The following CEP55 variants were observed in gnomAD, a reference collection of about 807,000 sequenced individuals.
CEP55 encodes the protein centrosomal protein of 55 kDa.
A neutral mutation model predicts 63.2 loss-of-function variants in CEP55; 57 were observed. That is an observed-to-expected ratio of 0.90 (90% CI 0.73 to 1.13). The LOEUF (loss-of-function observed/expected upper bound fraction) is 1.13. Among genes scored for constraint, CEP55 ranks in the 50% most tolerant of loss-of-function variants. The pLI is 0.00. For missense variants in CEP55, 456 were observed against 518.9 expected (o/e 0.88, Z 1.18); for synonymous variants, 178 against 191.6 (o/e 0.93, Z 0.59).
intron 1 of CEP55, among the ~76,000 whole-genome samples, chr10:93,499,479 C>T (rs1220157835): frequency 6.6e-6 from 1 of 150,422 alleles, no homozygotes; most frequent in Non-Finnish European, 1.5e-5. Flanking sequence ...TATAATTACA[C>T]ATATAGAACA....
At chr10:93,519,878 A>G in intron 8 of CEP55, 71 bp downstream of exon 8, 2 of 1,552,200 alleles carry the variant, frequency 1.3e-6, no homozygotes, top group East Asian at 4.5e-5. Context: ...TTCCGAACTT[A>G]GGAGGATACA....
chr10:93,527,086 A>T (rs1306271707), intron 8 of CEP55, among the ~76,000 whole-genome samples: 1 of 27,486 alleles, frequency 3.6e-5, no homozygotes, highest in African/African-American at 4.9e-5. Context: ...GTATAATTAA[A>T]AAAAAAAAAG....
chr10:93,517,853 A>G (rs2057820499), intron 6 of CEP55, among the ~76,000 whole-genome samples: 1 of 152,218 alleles, frequency 6.6e-6, no homozygotes, highest in African/African-American at 2.4e-5. Flanking sequence ...AAGGAACATT[A>G]TTTGGAATCC....
intron 8 of CEP55, among the ~76,000 whole-genome samples, chr10:93,521,703 G>C (rs1180913827): frequency 1.3e-5 from 2 of 152,010 alleles, no homozygotes; most frequent in Admixed American, 1.3e-4. Context: ...CCCAGTAGGG[G>C]CAGACTGACA....
At chr10:93,516,876 T>A (rs1455152544) in intron 5 of CEP55, 59 bp from the exon 6 acceptor site, 1 of 1,229,596 alleles carries the variant, frequency 8.1e-7, no homozygotes, top group Non-Finnish European at 1.1e-6. Flanking sequence ...GATGTTTCTC[T>A]TTTCAGGAAT....
At chr10:93,504,704 T>C (rs774300540) in intron 3 of CEP55, among the ~76,000 whole-genome samples, 11 of 152,222 alleles carry the variant, frequency 7.2e-5, no homozygotes, top group Non-Finnish European at 1.6e-4. Context: ...AACGTTACAG[T>C]CAGATTCAAA....
chr10:93,504,350 G>A (rs7910248), intron 3 of CEP55, among the ~76,000 whole-genome samples: 394 of 152,154 alleles, frequency 2.6e-3, no homozygotes, highest in African/African-American at 8.9e-3. Context: ...GCACGCATCT[G>A]TAATCCCAGC....
In CEP55 at chr10:93,515,404, G is replaced by A; in HGVS notation, c.529-1G>A. The A allele has an allele frequency of 6.3e-7, 1 of 1,582,662 alleles. No homozygotes were observed. Among genetic ancestry groups the A allele is most frequent in the Non-Finnish European group, 8.6e-7 (1 of 1,157,136 alleles). On this transcript the variant is annotated splice_acceptor_variant, in intron 4 of 8. Coordinates refer to ENST00000371485, the MANE Select transcript of CEP55 (RefSeq NM_018131.5). LOFTEE classifies it high-confidence loss of function. ...TGATTTTCTTTCATCTTCCCATTAA[G>A]GCTCTGGAGAAAAATCAGCAGTGGC...
At position 93,507,264 on chromosome 10, in the gene CEP55, T is replaced by C. The variant is rs960038596; in HGVS notation, c.528+208T>C. ...TTTCCTGAGGCAAAGTCTCGGTCTG[T>C]TGCCCAGGCTGGAGTGCAGTGGCAT... is the stretch of plus-strand genomic sequence containing the variant. On this transcript the variant is annotated intron_variant, in intron 4 of 8. Coordinates refer to ENST00000371485, the MANE Select transcript of CEP55 (RefSeq NM_018131.5). 2.7e-5 allele frequency among the ~76,000 whole-genome samples: 4 copies of C among 150,712 alleles called. No homozygotes were observed. In the Admixed American group the frequency reaches 2.7e-4, roughly 10 times the overall value.
At chr10:93,504,650 G>A (rs914955892) in intron 3 of CEP55, among the ~76,000 whole-genome samples, 1 of 152,010 alleles carries the variant, frequency 6.6e-6, no homozygotes, top group African/African-American at 2.4e-5. Context: ...AGTTCAAAAA[G>A]TTGAAGTTTT....
intron 7 of CEP55, among the ~76,000 whole-genome samples, chr10:93,519,272 C>T (rs2057833500): frequency 6.6e-6 from 1 of 152,076 alleles, no homozygotes. Flanking sequence ...GTAGGGCTAC[C>T]TTATAACTTC....
intron 2 of CEP55, among the ~76,000 whole-genome samples, chr10:93,501,678 T>C (rs879676983): frequency 6.6e-6 from 1 of 151,752 alleles, no homozygotes; most frequent in South Asian, 2.1e-4. Flanking sequence ...AAAAAAAAAA[T>C]AAATAAATAA....
At chr10:93,508,013 G>A (rs139409354) in intron 4 of CEP55, among the ~76,000 whole-genome samples, 5 of 152,306 alleles carry the variant, frequency 3.3e-5, no homozygotes, top group African/African-American at 1.2e-4. Context: ...CATGCAAGAT[G>A]CTCTCTTTGG....
At chr10:93,501,381 T>C (rs1416751459) in intron 2 of CEP55, among the ~76,000 whole-genome samples, 1 of 152,218 alleles carries the variant, frequency 6.6e-6, no homozygotes, top group Non-Finnish European at 1.5e-5. Flanking sequence ...GCTTTTATTG[T>C]TTGTATTTAG....
intron 1 of CEP55, among the ~76,000 whole-genome samples, chr10:93,497,202 G>C (rs1393710698): frequency 5.9e-5 from 9 of 152,166 alleles, no homozygotes; most frequent in African/African-American, 1.9e-4. Flanking sequence ...GGATGGAAGC[G>C]CTTGTTTGGT....
Position 93,515,431 on chromosome 10 carries a change from C to T in CEP55, c.555C>T (p.Leu185=). 5.0e-6 allele frequency: 8 copies of T among 1,608,972 alleles called. No homozygotes were observed. Among genetic ancestry groups the T allele is most frequent in the Middle Eastern group, 1.7e-4 (1 of 6,042 alleles). Residue 185 remains leucine, a synonymous_variant, in exon 5 of 9, where the codon CTC becomes CTT. Transcript: ENST00000371485. The part of the protein sequence containing the change: ...KDALEKNQQW[L]VYDQQREVYV... ...CTCTGGAGAAAAATCAGCAGTGGCT[C>T]GTGTATGATCAGCAGCGGGAAGTCT... is the stretch of plus-strand genomic sequence containing the variant.
At chr10:93,520,041 C>G (rs1423216713) in intron 8 of CEP55, 2 of 533,664 alleles carry the variant, frequency 3.7e-6, no homozygotes, top group Non-Finnish European at 6.8e-6. Context: ...TGCTGTGATG[C>G]TGGAGGCACT....
chr10:93,506,238 G>A lies in CEP55; in HGVS notation c.460-750G>A, dbSNP rs947728941. On this transcript the variant is annotated intron_variant, in intron 3 of 8. Transcript: ENST00000371485. ...ATTATAGGCGCGAGCCACTGCACCCGGCCTAATTAATACTATTATTAATAC... is the reference window on the plus strand; with the variant it reads ...ATTATAGGCGCGAGCCACTGCACCCAGCCTAATTAATACTATTATTAATAC... Among the ~76,000 whole-genome samples the A allele has an allele frequency of 1.1e-4, 17 of 152,200 alleles. No homozygotes were observed. In the East Asian group the frequency reaches 2.7e-3, roughly 24 times the overall value.
At chr10:93,511,997 G>C (rs915878096) in intron 4 of CEP55, among the ~76,000 whole-genome samples, 1 of 151,834 alleles carries the variant, frequency 6.6e-6, no homozygotes, top group Non-Finnish European at 1.5e-5. Flanking sequence ...GGGAGGACAA[G>C]AAGGGCAGAT....
Sources: gnomAD v4.1 joint callset for allele counts (sites outside exome capture counted in the v4.1 genomes callset) on GRCh38, gnomAD v4.1.1 for gene constraint, MANE v1.5 for transcripts, NCBI Gene and HGNC (gene_info 2026-07-23, HGNC 2026-07-21) for gene names.